Variants in KANSL1L observed in about 807,000 individuals in gnomAD.
KANSL1L encodes the protein KAT8 regulatory NSL complex subunit 1-like protein.
In KANSL1L, 25 loss-of-function variants were observed where a neutral mutation model predicts 108.6. That is an observed-to-expected ratio of 0.23 (90% CI 0.17 to 0.32). The LOEUF is 0.32. KANSL1L is among the 10% of genes least tolerant of loss of function. The probability of loss-of-function intolerance (pLI) is 1.00; values close to 1 mark genes in which losing one functional copy is unlikely to be tolerated. For synonymous variants in KANSL1L, 405 were observed against 395.1 expected, an observed-to-expected ratio of 1.03 and a Z score of -0.30; for missense variants, 1,137 against 1,125.7, an observed-to-expected ratio of 1.01 and a Z score of -0.14.
At chr2:210,110,352 G>A (rs886173975) in intron 3 of KANSL1L, among the ~76,000 whole-genome samples, 2 of 152,192 alleles carry the variant, frequency 1.3e-5, no homozygotes, top group Admixed American at 6.5e-5. Flanking sequence ...TTATTCAAAG[G>A]TTTTCTCAAT....
chr2:210,043,891 TCAGTA>T, intron 7 of KANSL1L, 43 bp downstream of exon 7: 1 of 1,280,176 alleles, frequency 7.8e-7, no homozygotes, highest in Non-Finnish European at 1.1e-6. Flanking sequence ...GGATTAGATT[TCAGTA>T]CAGAAAATAT....
At chr2:210,104,015 A>G in intron 4 of KANSL1L, 89 bp downstream of exon 4, 1 of 999,920 alleles carries the variant, frequency 1.0e-6, no homozygotes, top group South Asian at 1.4e-5. Flanking sequence ...TATGCCAGGA[A>G]GATACACATA....
At chr2:210,106,699 G>A (rs1559560956) in intron 3 of KANSL1L, among the ~76,000 whole-genome samples, 1 of 150,684 alleles carries the variant, frequency 6.6e-6, no homozygotes, top group Non-Finnish European at 1.5e-5. Flanking sequence ...AACCCAGGAG[G>A]AGGAGGTTGC....
At chr2:210,068,891 T>A (rs2094486413) in intron 6 of KANSL1L, among the ~76,000 whole-genome samples, 1 of 152,186 alleles carries the variant, frequency 6.6e-6, no homozygotes. Flanking sequence ...ATTGGATCCA[T>A]GAGTTACATA....
intron 3 of KANSL1L, among the ~76,000 whole-genome samples, chr2:210,120,338 G>A (rs2095003344): frequency 1.3e-5 from 2 of 152,220 alleles, no homozygotes; most frequent in African/African-American, 4.8e-5. Flanking sequence ...GTTGCAGTGA[G>A]CGGAGATCAC....
At chr2:210,095,843 C>A (rs1056800048) in intron 5 of KANSL1L, among the ~76,000 whole-genome samples, 1 of 151,902 alleles carries the variant, frequency 6.6e-6, no homozygotes, top group East Asian at 1.9e-4. Flanking sequence ...AAATAAATAC[C>A]TTTCCTTCAA....
At chr2:210,134,157 A>G (rs2095152880) in intron 2 of KANSL1L, among the ~76,000 whole-genome samples, 1 of 151,972 alleles carries the variant, frequency 6.6e-6, no homozygotes, top group African/African-American at 2.4e-5. Context: ...TTTATTAACC[A>G]CTTCTTCTGA....
chr2:210,110,665 T>A (rs925505160), intron 3 of KANSL1L, among the ~76,000 whole-genome samples: 7 of 152,042 alleles, frequency 4.6e-5, no homozygotes, highest in Non-Finnish European at 5.9e-5. Context: ...TTAAGAGACA[T>A]GAAAAATTTG....
intron 4 of KANSL1L, among the ~76,000 whole-genome samples, 153 bp from the exon 5 acceptor site, chr2:210,098,360 A>C (rs1052263787): frequency 2.0e-5 from 3 of 152,130 alleles, no homozygotes; most frequent in African/African-American, 7.2e-5. Context: ...TATACAACTG[A>C]TTTTTCCATT....
At chr2:210,084,733 C>T (rs941783390) in intron 5 of KANSL1L, among the ~76,000 whole-genome samples, 1 of 152,200 alleles carries the variant, frequency 6.6e-6, no homozygotes, top group South Asian at 2.1e-4. Flanking sequence ...CCTGCCTCAG[C>T]CTCCCAAGTA....
At chr2:210,076,193 T>C (rs1360074075) in intron 5 of KANSL1L, among the ~76,000 whole-genome samples, 1 of 152,106 alleles carries the variant, frequency 6.6e-6, no homozygotes, top group Non-Finnish European at 1.5e-5. Context: ...TTGTTTTTTG[T>C]TTTTTTGAGA....
At chr2:210,145,047 T>C (rs749829662) in intron 2 of KANSL1L, among the ~76,000 whole-genome samples, 2 of 152,320 alleles carry the variant, frequency 1.3e-5, no homozygotes, top group Admixed American at 1.3e-4. Flanking sequence ...AGTAAGGGCA[T>C]AGCAGCATAA....
intron 1 of KANSL1L, among the ~76,000 whole-genome samples, chr2:210,160,302 C>A (rs2095355042): frequency 6.6e-6 from 1 of 151,966 alleles, no homozygotes; most frequent in African/African-American, 2.4e-5. Context: ...TTTCTCACCA[C>A]TCATACTCAA....
rs865944637 is a variant in KANSL1L at position 210,079,668 on chromosome 2, A to G, written c.1551-3912T>C. The G allele has an allele frequency of 1.8e-4, 11 of 60,066 alleles. 1 individual carries two copies. Among genetic ancestry groups the G allele is most frequent in the African/African-American group, 3.1e-4 (3 of 9,664 alleles). 3.7% of individuals were successfully genotyped at this position (60,066 alleles called of 1,614,324 possible). A position where few individuals can be genotyped will look rare whatever the true frequency, so the allele number is the denominator to read the frequency against. ...TATATATATATATATATATATATGTATGTGTGTATATATATATATATATGT... is the reference window on the plus strand; with the variant it reads ...TATATATATATATATATATATATGTGTGTGTGTATATATATATATATATGT... On this transcript the variant is annotated intron_variant, in intron 5 of 14. Coordinates refer to ENST00000281772, the MANE Select transcript of KANSL1L (RefSeq NM_152519.4).
chr2:210,148,283 C>G (rs1320372672), intron 2 of KANSL1L, among the ~76,000 whole-genome samples: 1 of 152,108 alleles, frequency 6.6e-6, no homozygotes, highest in Admixed American at 6.6e-5. Context: ...TCTGTGTTTC[C>G]CCAAAATGCA....
intron 2 of KANSL1L, among the ~76,000 whole-genome samples, chr2:210,134,474 G>C (rs919444954): frequency 2.6e-5 from 4 of 151,974 alleles, no homozygotes; most frequent in Admixed American, 6.6e-5. Flanking sequence ...TATTTTAAGG[G>C]TACTATGATT....
rs760083869 is a variant in KANSL1L, at chr2:210,154,519, T to C, written c.64A>G (p.Met22Val). 40 of 1,595,588 alleles carry C rather than the reference T, an allele frequency of 2.5e-5. No homozygotes were observed. Among genetic ancestry groups the C allele is most frequent in the Non-Finnish European group, 3.3e-5 (39 of 1,170,112 alleles). Residue 22 changes from methionine (M) to valine (V), a missense_variant, in exon 2 of 15, where the codon ATG (methionine) becomes GTG (valine). Physicochemically the swap from Met to Val is conservative, Grantham distance 21. Coordinates refer to ENST00000281772, the MANE Select transcript of KANSL1L (RefSeq NM_152519.4). ...ATGTAGAGCATCTTGTCAGACTCCATGGTACTTGGCAAAGATGAAAAGCTG... is the reference window on the plus strand; with the variant it reads ...ATGTAGAGCATCTTGTCAGACTCCACGGTACTTGGCAAAGATGAAAAGCTG... Reference protein sequence around the residue: ...GISFSSLPSTMESDKMLYMES... With the variant: ...GISFSSLPSTVESDKMLYMES...
chr2:210,081,805 T>C (rs889644862), intron 5 of KANSL1L, among the ~76,000 whole-genome samples: 1 of 152,220 alleles, frequency 6.6e-6, no homozygotes, highest in African/African-American at 2.4e-5. Flanking sequence ...TAAGTAAATG[T>C]TAAACATTTT....
chr2:210,064,555 A>T (rs935446000), intron 6 of KANSL1L, among the ~76,000 whole-genome samples: 1 of 152,058 alleles, frequency 6.6e-6, no homozygotes, highest in African/African-American at 2.4e-5. Context: ...CATACCTGTA[A>T]TCCTAGCACT....
Sources: allele counts gnomAD v4.1 joint callset (sites outside exome capture counted in the v4.1 genomes callset), GRCh38; gene constraint gnomAD v4.1.1; transcripts MANE v1.5; gene names NCBI Gene and HGNC (gene_info 2026-07-23, HGNC 2026-07-21).